ANP32E: variants seen among roughly 807,000 people sequenced by gnomAD.
The protein encoded by ANP32E is acidic nuclear phosphoprotein 32 family member E.
Under a neutral mutation model 35.3 loss-of-function variants are expected in ANP32E, and 14 were observed. That is an observed-to-expected ratio of 0.40 (90% CI 0.26 to 0.62). The LOEUF is 0.62. Ranked by LOEUF, ANP32E falls within the 20% of genes least tolerant of loss-of-function variation. The pLI is 0.45. For missense variants in ANP32E, 198 were observed against 304.4 expected (o/e 0.65, Z 2.60); for synonymous variants, 89 against 110.4 (o/e 0.81, Z 1.22).
intron 5 of ANP32E, among the ~76,000 whole-genome samples, chr1:150,226,022 T>TC (rs1648847848): frequency 1.3e-5 from 2 of 151,490 alleles, no homozygotes. Context: ...TTTTTTTTTT[T>TC]TGAGACAGAG....
intron 5 of ANP32E, 90 bp from the exon 6 acceptor site, chr1:150,223,330 C>G: frequency 6.8e-7 from 1 of 1,463,100 alleles, no homozygotes; most frequent in Non-Finnish European, 9.3e-7. Context: ...AGCAAAGAAA[C>G]TATGGTTATT....
chr1:150,231,178 C>A (rs1355119394), intron 2 of ANP32E, among the ~76,000 whole-genome samples: 3 of 152,206 alleles, frequency 2.0e-5, no homozygotes, highest in Non-Finnish European at 4.4e-5. Flanking sequence ...AGAACACCTA[C>A]ATAATGGGCT....
rs1230397842 is a variant in ANP32E, at chr1:150,223,045, A to C, written c.736+141T>G. 3 of 1,033,498 alleles carry C rather than the reference A, an allele frequency of 2.9e-6. No homozygotes were observed. In the African/African-American group the frequency reaches 4.9e-5, roughly 17 times the overall value. The allele number at this position is 1,033,498 out of a possible 1,614,324, so 64.0% of individuals were successfully genotyped here. A position where few individuals can be genotyped will look rare whatever the true frequency, so the allele number is the denominator to read the frequency against. On this transcript the variant is annotated intron_variant, in intron 6 of 6. Transcript: ENST00000583931. ...ACTTTTATAACTTTGAAGGCACTCT[A>C]TGATAAAGCAAAATCAAAGGGATCA...
chr1:150,231,080 A>C (rs1649313336), intron 2 of ANP32E, among the ~76,000 whole-genome samples: 1 of 152,182 alleles, frequency 6.6e-6, no homozygotes, highest in Non-Finnish European at 1.5e-5. Flanking sequence ...TTGAAGAAAA[A>C]AAACTGTCAT....
chr1:150,225,767 A>G (rs1648825391), intron 5 of ANP32E, among the ~76,000 whole-genome samples: 1 of 151,834 alleles, frequency 6.6e-6, no homozygotes. Context: ...AAGGGTTTCA[A>G]GAAGGCTGAT....
intron 6 of ANP32E, among the ~76,000 whole-genome samples, chr1:150,221,575 T>G (rs1305202727): frequency 1.4e-3 from 14 of 10,150 alleles, no homozygotes; most frequent in South Asian, 9.6e-3. Context: ...GGAAGGAGAG[T>G]GGGAGGAAGG....
intron 3 of ANP32E, 109 bp from the exon 4 acceptor site, chr1:150,229,346 G>A: frequency 4.6e-6 from 3 of 652,434 alleles, no homozygotes; most frequent in East Asian, 3.1e-5. Context: ...GTTGCCAGCT[G>A]GAATTCAGCG....
chr1:150,228,954 A>T, intron 4 of ANP32E, 118 bp downstream of exon 4: 1 of 829,472 alleles, frequency 1.2e-6, no homozygotes, highest in Non-Finnish European at 1.9e-6. Flanking sequence ...TTCTTGTCTT[A>T]CTAATATCTT....
intron 5 of ANP32E, among the ~76,000 whole-genome samples, chr1:150,223,721 C>CTT (rs375032162): frequency 1.6e-4 from 20 of 128,502 alleles, no homozygotes; most frequent in South Asian, 2.3e-4. Flanking sequence ...AATCTGTAGT[C>CTT]TTTTTTTTCT....
intron 1 of ANP32E, among the ~76,000 whole-genome samples, chr1:150,233,576 A>G (rs1245118821): frequency 6.6e-6 from 1 of 152,050 alleles, no homozygotes; most frequent in Non-Finnish European, 1.5e-5. Flanking sequence ...TGAATTCCCT[A>G]TTAGGTAAGA....
chr1:150,221,069 T>G (rs6682434), intron 6 of ANP32E, among the ~76,000 whole-genome samples: 6,094 of 141,268 alleles, frequency 0.043, 407 homozygotes, highest in African/African-American at 0.15. Context: ...GAGCCAAGAT[T>G]GCGCCACTGC....
chr1:150,234,414 A>G (rs1649607195), intron 1 of ANP32E, among the ~76,000 whole-genome samples: 1 of 129,048 alleles, frequency 7.7e-6, no homozygotes, highest in African/African-American at 3.0e-5. Context: ...CCAATTTCAG[A>G]AAACAGGCAC....
In ANP32E at chr1:150,231,803, G is replaced by A; in HGVS notation, c.178C>T (p.Leu60Phe). 1.2e-6 allele frequency: 2 copies of A among 1,603,094 alleles called. No individual in the cohort carries two copies. Among genetic ancestry groups the A allele is most frequent in the Non-Finnish European group, 1.7e-6 (2 of 1,177,616 alleles). The change falls in exon 2 of 7, where the codon CTT (leucine) becomes TTT (phenylalanine). Residue 60 changes from leucine to phenylalanine, a missense_variant. Leu to Phe is a conservative substitution (Grantham distance 22). Coordinates refer to ENST00000583931, the MANE Select transcript of ANP32E (RefSeq NM_030920.5). ...TTTCGAAGTTTATTTAAGCTGGGAA[G>A]CCGGGCCAGCGAACTTAGTTCCACA... Reference protein sequence around the residue: ...ANVELSSLARLPSLNKLRKLE... With the variant: ...ANVELSSLARFPSLNKLRKLE...
At chr1:150,232,688 G>C (rs943408493) in intron 1 of ANP32E, among the ~76,000 whole-genome samples, 4 of 151,834 alleles carry the variant, frequency 2.6e-5, no homozygotes, top group Non-Finnish European at 5.9e-5. Context: ...GGCCAGGCTA[G>C]TCTTGAACTC....
intron 6 of ANP32E, among the ~76,000 whole-genome samples, chr1:150,221,575 T>C (rs1305202727): frequency 2.0e-4 from 2 of 10,160 alleles, no homozygotes; most frequent in Admixed American, 1.0e-3. Context: ...GGAAGGAGAG[T>C]GGGAGGAAGG....
chr1:150,231,961 A>G, intron 1 of ANP32E, 35 bp from the exon 2 acceptor site: 1 of 1,598,726 alleles, frequency 6.3e-7, no homozygotes, highest in Non-Finnish European at 8.5e-7. Flanking sequence ...ATGATTCTTT[A>G]GTTTGTAATC....
intron 1 of ANP32E, among the ~76,000 whole-genome samples, chr1:150,232,691 T>C (rs1289941618): frequency 2.6e-5 from 4 of 151,966 alleles, no homozygotes; most frequent in Non-Finnish European, 5.9e-5. Context: ...CAGGCTAGTC[T>C]TGAACTCCTG....
chr1:150,222,406 G>A lies in ANP32E; in HGVS notation c.736+780C>T, dbSNP rs1028935833. On this transcript the variant is annotated intron_variant, in intron 6 of 6. Coordinates refer to ENST00000583931, the MANE Select transcript of ANP32E (RefSeq NM_030920.5). The stretch of plus-strand genomic sequence containing the variant: ...TGTACTCCAGCCTGGGCAACAGAGC[G>A]AGACTCCATCTCAAAAAAAATAAAT... 3.6e-4 allele frequency among the ~76,000 whole-genome samples: 47 copies of A among 129,420 alleles called. 1 individual carries two copies. In the South Asian group the frequency reaches 5.8e-3, roughly 16 times the overall value. 84.9% of individuals were successfully genotyped at this position (129,420 alleles called of 152,430 possible).
intron 5 of ANP32E, among the ~76,000 whole-genome samples, chr1:150,223,731 T>A (rs1358870087): frequency 7.2e-6 from 1 of 138,088 alleles, no homozygotes; most frequent in Non-Finnish European, 1.6e-5. Context: ...CTTTTTTTTC[T>A]CTTTCCTTTT....
Sources: gnomAD v4.1 joint callset for allele counts (sites outside exome capture counted in the v4.1 genomes callset) on GRCh38, gnomAD v4.1.1 for gene constraint, MANE v1.5 for transcripts, NCBI Gene and HGNC (gene_info 2026-07-23, HGNC 2026-07-21) for gene names.